PCDHA7: variants seen among roughly 807,000 people sequenced by gnomAD.
The protein encoded by PCDHA7 is protocadherin alpha 7, also known as protocadherin alpha-7.
A neutral mutation model predicts 57.2 loss-of-function variants in PCDHA7; 37 were observed. That is an observed-to-expected ratio of 0.65 (90% CI 0.50 to 0.85). The LOEUF (loss-of-function observed/expected upper bound fraction) is 0.85, where lower values mean the gene tolerates loss of function less well. PCDHA7 is among the 40% of genes least tolerant of loss of function. PCDHA7 has a pLI of 0.00. For missense variants in PCDHA7, 1,188 were observed against 1,241.8 expected (o/e 0.96, Z 0.65); for synonymous variants, 553 against 558.8 (o/e 0.99, Z 0.15).
intron 1 of PCDHA7, chr5:140,862,870 G>T: frequency 1.8e-6 from 1 of 569,162 alleles, no homozygotes; most frequent in Non-Finnish European, 3.4e-6. Flanking sequence ...GACGCTGCCA[G>T]GTATTAGTGC....
At position 140,857,907 on chromosome 5, in the gene PCDHA7, C is replaced by T. The variant is rs1250345336; in HGVS notation, c.2355+21169C>T. 3.1e-6 allele frequency: 5 copies of T among 1,597,680 alleles called. No homozygotes were observed. Among genetic ancestry groups the T allele is most frequent in the Admixed American group, 1.7e-5 (1 of 59,240 alleles). Reference sequence around the variant, plus strand: ...TCGGCGGCGGTTGGTGCACGCATCCCGTTTCGCGTGGGGCTGTACACGGGC... The same window carrying T: ...TCGGCGGCGGTTGGTGCACGCATCCTGTTTCGCGTGGGGCTGTACACGGGC... On this transcript the variant is annotated intron_variant, in intron 1 of 3. Transcript: ENST00000525929.
At position 140,967,566 on chromosome 5, in the gene PCDHA7, G is replaced by T. The variant is rs1586227015; in HGVS notation, c.2356-11383G>T. The stretch of plus-strand genomic sequence containing the variant: ...CAGTCCACTTATCGCGTCCAGCTAC[G>T]GGAGGACTCACCCCCAGGCACATTG... On this transcript the variant is annotated intron_variant, in intron 1 of 3. Coordinates refer to ENST00000525929, the MANE Select transcript of PCDHA7 (RefSeq NM_018910.3). 6 of 1,614,060 alleles carry T rather than the reference G, an allele frequency of 3.7e-6. No homozygotes were observed. In the East Asian group the frequency reaches 1.3e-4, roughly 36 times the overall value.
rs571779587 is a variant in PCDHA7 at position 140,961,550 on chromosome 5, C to CT, written c.2356-17392dup. 1.8e-3 allele frequency among the ~76,000 whole-genome samples: 273 copies of CT among 152,148 alleles called. 1 individual carries two copies. Among genetic ancestry groups the CT allele is most frequent in the Middle Eastern group, 3.4e-3 (1 of 294 alleles). ...TAGATAGACTGTTCCTGCAGCATTT[C>CT]TTTTTTTAAATTTTGTTTTGATAAG... On this transcript the variant is annotated intron_variant, in intron 1 of 3. Transcript: ENST00000525929.
At position 140,835,539 on chromosome 5, in the gene PCDHA7, A is replaced by C; in HGVS notation, c.1156A>C (p.Thr386Pro). 3 of 1,613,960 alleles carry C rather than the reference A, an allele frequency of 1.9e-6. No individual in the cohort carries two copies. The East Asian group carries it at 6.7e-5, about 36-fold the overall frequency. Residue 386 changes from threonine to proline, a missense_variant, in exon 1 of 4, where the codon ACC (threonine) becomes CCC (proline). This residue lies in a region of PCDHA7 where 892 missense variants were observed against 788.5 expected (regional missense o/e 1.13). Coordinates refer to ENST00000525929, the MANE Select transcript of PCDHA7 (RefSeq NM_018910.3). ...AGATTTTGGAGTCAACGGACAGGTT[A>C]CCTGCTCCCTGACGCCCCGCGTTCC... is the stretch of plus-strand genomic sequence containing the variant. ...DRDFGVNGQV[T>P]CSLTPRVPFK...
At chr5:140,841,613 C>A in intron 1 of PCDHA7, 3 of 1,614,080 alleles carry the variant, frequency 1.9e-6, no homozygotes, top group Non-Finnish European at 2.5e-6. Context: ...GCTGTGCGGG[C>A]GGAGCGCGGA....
chr5:140,841,970 G>C, intron 1 of PCDHA7: 6 of 1,613,902 alleles, frequency 3.7e-6, no homozygotes, highest in Non-Finnish European at 5.1e-6. Context: ...AGCCACAGAT[G>C]GGGGCAAACC....
At chr5:140,973,768 A>G (rs1408539146) in intron 1 of PCDHA7, among the ~76,000 whole-genome samples, 3 of 152,258 alleles carry the variant, frequency 2.0e-5, no homozygotes, top group African/African-American at 7.2e-5. Flanking sequence ...ACAGCCTGGC[A>G]TATTATAGGT....
intron 3 of PCDHA7, among the ~76,000 whole-genome samples, chr5:141,000,399 A>ATT (rs2097917152): frequency 1.5e-5 from 1 of 66,842 alleles, no homozygotes; most frequent in Non-Finnish European, 2.7e-5. Context: ...CTCTCTCTAT[A>ATT]TATATATATA....
At chr5:141,006,894 A>G (rs781832084) in intron 3 of PCDHA7, among the ~76,000 whole-genome samples, 6 of 152,212 alleles carry the variant, frequency 3.9e-5, no homozygotes, top group African/African-American at 7.2e-5. Context: ...TTGATTTCAG[A>G]TTTCTTCAGT....
intron 1 of PCDHA7, among the ~76,000 whole-genome samples, chr5:140,892,982 A>G (rs1430280813): frequency 2.0e-5 from 3 of 152,238 alleles, no homozygotes; most frequent in Non-Finnish European, 4.4e-5. Context: ...TAGCTGCCGT[A>G]TAAGTGAGAA....
At chr5:140,936,080 A>C (rs1252008478) in intron 1 of PCDHA7, among the ~76,000 whole-genome samples, 2 of 152,004 alleles carry the variant, frequency 1.3e-5, no homozygotes, top group African/African-American at 4.8e-5. Flanking sequence ...TTTAGTAGAG[A>C]CAGGGTTTCA....
At position 140,875,345 on chromosome 5, in the gene PCDHA7, A is replaced by T. The variant is rs183266244; in HGVS notation, c.2355+38607A>T. 3,872 of 1,443,290 alleles carry T rather than the reference A, an allele frequency of 2.7e-3. 16 individuals are homozygous for T. The highest frequency in any genetic ancestry group is 0.011 in the African/African-American group (735 of 69,882). 89.4% of individuals were successfully genotyped at this position (1,443,290 alleles called of 1,614,324 possible). On this transcript the variant is annotated intron_variant, in intron 1 of 3. Coordinates refer to ENST00000525929, the MANE Select transcript of PCDHA7 (RefSeq NM_018910.3). ...TTCACGGAATAGGATCGACTCCATA[A>T]TGACTGTGATGCTGGAAAAAATTTA...
chr5:140,936,593 C>T (rs1475903432), intron 1 of PCDHA7, among the ~76,000 whole-genome samples: 1 of 152,168 alleles, frequency 6.6e-6, no homozygotes, highest in African/African-American at 2.4e-5. Context: ...GTTAGATTGC[C>T]TACTTTCCTC....
chr5:140,834,483 T>C lies in PCDHA7; in HGVS notation c.100T>C (p.Ser34Pro), dbSNP rs1387248014. ...GGCAGGGAGAGGCCAGCTCCACTACTCGGTCCCCGAGGAGGCTAAACATGG... is the reference window on the plus strand; with the variant it reads ...GGCAGGGAGAGGCCAGCTCCACTACCCGGTCCCCGAGGAGGCTAAACATGG... The part of the protein sequence containing the change: ...WEAGRGQLHY[S>P]VPEEAKHGNF... Residue 34 changes from serine (S) to proline (P), a missense_variant, in exon 1 of 4, where the codon TCG becomes CCG. Transcript: ENST00000525929. The C allele has an allele frequency of 7.4e-6, 12 of 1,614,016 alleles. No homozygotes were observed. Among genetic ancestry groups the C allele is most frequent in the Admixed American group, 1.7e-5 (1 of 59,996 alleles).
intron 1 of PCDHA7, among the ~76,000 whole-genome samples, chr5:140,909,299 T>G (rs561949225): frequency 6.6e-6 from 1 of 152,320 alleles, no homozygotes; most frequent in Non-Finnish European, 1.5e-5. Flanking sequence ...TGGACAGGAA[T>G]GGAGAAAAAG....
chr5:140,867,042 G>A (rs782113838), intron 1 of PCDHA7: 4 of 152,084 alleles, frequency 2.6e-5, no homozygotes, highest in Non-Finnish European at 4.4e-5. Flanking sequence ...ATGACTTGGC[G>A]TTTGTTCAGT....
In PCDHA7 at chr5:140,836,251, G is replaced by T. The variant is rs1183967538; in HGVS notation, c.1868G>T (p.Arg623Leu). 2.4e-5 allele frequency: 39 copies of T among 1,613,668 alleles called. No individual in the cohort carries two copies. Among genetic ancestry groups the T allele is most frequent in the Middle Eastern group, 3.3e-4 (2 of 6,084 alleles). Residue 623 changes from arginine (R) to leucine (L), a missense_variant, in exon 1 of 4, where the codon CGC becomes CTC. Transcript: ENST00000525929. ...GCGGCCGGTGCGAGCATCCCGTTCCGCGTGGGGCTGTACACTGGTGAGATC... is the reference window on the plus strand; with the variant it reads ...GCGGCCGGTGCGAGCATCCCGTTCCTCGTGGGGCTGTACACTGGTGAGATC... ...PVAAGASIPF[R>L]VGLYTGEIST... is the part of the protein sequence containing the mutation.
intron 3 of PCDHA7, among the ~76,000 whole-genome samples, chr5:140,989,470 C>T (rs1365588787): frequency 6.6e-6 from 1 of 152,148 alleles, no homozygotes; most frequent in African/African-American, 2.4e-5. Context: ...TGGAACTCCT[C>T]CTGGGAGGTG....
In PCDHA7 at chr5:140,884,465, G is replaced by A. The variant is rs782791774; in HGVS notation, c.2355+47727G>A. 8.1e-6 allele frequency: 13 copies of A among 1,613,634 alleles called. No homozygotes were observed. In the South Asian group the frequency reaches 9.9e-5, roughly 12 times the overall value. ...GGCACCGCCCACCGAGGGCGCGTGCGCGCCGGGCAAGCCCACTCTAGTGTG... is the reference window on the plus strand; with the variant it reads ...GGCACCGCCCACCGAGGGCGCGTGCACGCCGGGCAAGCCCACTCTAGTGTG... On this transcript the variant is annotated intron_variant, in intron 1 of 3. Coordinates refer to ENST00000525929, the MANE Select transcript of PCDHA7 (RefSeq NM_018910.3).
Sources: allele counts gnomAD v4.1 joint callset (sites outside exome capture counted in the v4.1 genomes callset), GRCh38; gene constraint gnomAD v4.1.1; regional missense constraint gnomAD v4.1.1; transcripts MANE v1.5; gene names NCBI Gene and HGNC (gene_info 2026-07-23, HGNC 2026-07-21).